The following GHR variants were observed in gnomAD, a reference collection of about 807,000 sequenced individuals.
GHR encodes the protein growth hormone receptor.
A neutral mutation model predicts 67.1 loss-of-function variants in GHR; 35 were observed. That is an observed-to-expected ratio of 0.52 (90% CI 0.40 to 0.69). The LOEUF (loss-of-function observed/expected upper bound fraction) is 0.69, where lower values mean the gene tolerates loss of function less well. GHR is among the 30% of genes least tolerant of loss of function. GHR has a pLI of 0.00. For missense variants in GHR, 792 were observed against 764.6 expected (o/e 1.04, Z -0.42); for synonymous variants, 272 against 269.1 (o/e 1.01, Z -0.10).
At position 42,720,739 on chromosome 5, in the gene GHR, ACTTT is replaced by A. The variant is rs1758979721; in HGVS notation, c.*1322_*1325del. The A allele has an allele frequency of 6.6e-6, 1 of 152,214 alleles. No individual in the cohort carries two copies. Among genetic ancestry groups the A allele is most frequent in the Admixed American group, 6.5e-5 (1 of 15,280 alleles). The allele number at this position is 152,214 out of a possible 1,614,324, so 9.4% of individuals were successfully genotyped here. Reference sequence around the variant, plus strand: ...AAAATTATTTAAACCGCTAAAAGAAACTTTCTTTCTCACTAAATCTTTTATAGGA... The same window carrying A: ...AAAATTATTTAAACCGCTAAAAGAAACTTTCTCACTAAATCTTTTATAGGA... On this transcript the variant is annotated 3_prime_UTR_variant, in exon 10 of 10. Transcript: ENST00000230882.
rs1321861466 is a variant in GHR at position 42,503,790 on chromosome 5, G to A, written c.-11-62074G>A. Among the ~76,000 whole-genome samples, 5 of 141,378 alleles carry A rather than the reference G, an allele frequency of 3.5e-5. No homozygotes were observed. The East Asian group carries it at 9.6e-4, about 27-fold the overall frequency. The allele number at this position is 141,378 out of a possible 152,430, so 92.7% of individuals were successfully genotyped here. ...TTGTCAGGGAATGCCTCTCTAATTA[G>A]ATGACTTTTTTTTTAATAGAACTGA... On this transcript the variant is annotated intron_variant, in intron 1 of 9. Transcript: ENST00000230882.
intron 3 of GHR, among the ~76,000 whole-genome samples, chr5:42,676,517 C>T (rs1004004826): frequency 1.6e-4 from 24 of 152,180 alleles, no homozygotes; most frequent in African/African-American, 5.8e-4. Flanking sequence ...TAAAGCCTTC[C>T]TGCCAGTAGC....
At chr5:42,583,900 T>TATATATATATATATATA (rs1481330746) in intron 2 of GHR, among the ~76,000 whole-genome samples, 1 of 149,320 alleles carries the variant, frequency 6.7e-6, no homozygotes, top group East Asian at 2.0e-4. Context: ...TATATATAAA[T>TATATATATATATATATA]TCTTACAGTT....
chr5:42,546,286 G>A (rs1748727607), intron 1 of GHR, among the ~76,000 whole-genome samples: 1 of 152,170 alleles, frequency 6.6e-6, no homozygotes, highest in African/African-American at 2.4e-5. Flanking sequence ...TGACTAGTTG[G>A]CCCTTTGTCT....
At chr5:42,612,205 A>C (rs1249465847) in intron 2 of GHR, among the ~76,000 whole-genome samples, 3 of 152,160 alleles carry the variant, frequency 2.0e-5, no homozygotes, top group Non-Finnish European at 4.4e-5. Context: ...TAGAAGGAGA[A>C]GGAGGCTTTA....
At chr5:42,615,165 C>T (rs1753079925) in intron 2 of GHR, among the ~76,000 whole-genome samples, 1 of 151,818 alleles carries the variant, frequency 6.6e-6, no homozygotes. Flanking sequence ...TAAACATGGA[C>T]TGTTAACAAG....
chr5:42,452,696 C>T (rs1744102281), intron 1 of GHR, among the ~76,000 whole-genome samples: 1 of 152,056 alleles, frequency 6.6e-6, no homozygotes, highest in East Asian at 1.9e-4. Context: ...TGAAACTTTC[C>T]ACTGAATTTT....
chr5:42,559,832 G>T (rs191443623), intron 1 of GHR, among the ~76,000 whole-genome samples: 1 of 152,244 alleles, frequency 6.6e-6, no homozygotes, highest in East Asian at 1.9e-4. Flanking sequence ...TAAAAAGTTG[G>T]TAACAACATG....
At chr5:42,526,146 A>T (rs1747696289) in intron 1 of GHR, among the ~76,000 whole-genome samples, 1 of 152,206 alleles carries the variant, frequency 6.6e-6, no homozygotes, top group African/African-American at 2.4e-5. Flanking sequence ...AAGTTATTGA[A>T]GGAAATTAAA....
chr5:42,682,988 A>C (rs988809764), intron 3 of GHR, among the ~76,000 whole-genome samples: 5 of 151,438 alleles, frequency 3.3e-5, no homozygotes, highest in Non-Finnish European at 1.5e-5. Context: ...TCAGTTCCTC[A>C]AAGGTTTTTT....
intron 1 of GHR, among the ~76,000 whole-genome samples, chr5:42,491,168 G>A (rs1031864332): frequency 1.2e-4 from 19 of 152,204 alleles, no homozygotes; most frequent in Admixed American, 2.6e-4. Context: ...CCTGAGGATC[G>A]TTTGCTTTGT....
Position 42,713,508 on chromosome 5 carries a change from TA to T in GHR, c.867del (p.Lys289AsnfsTer8). The T allele has an allele frequency of 7.2e-7, 1 of 1,382,324 alleles. No homozygotes were observed. Among genetic ancestry groups the T allele is most frequent in the South Asian group, 1.2e-5 (1 of 86,488 alleles). 85.6% of individuals were successfully genotyped at this position (1,382,324 alleles called of 1,614,324 possible). On this transcript the variant is annotated frameshift_variant, in exon 8 of 10. Coordinates refer to ENST00000230882, the MANE Select transcript of GHR (RefSeq NM_000163.5). LOFTEE classifies it high-confidence loss of function. ...TGATGCTATTTGTATTCTTATTTTC[TA>T]AACAGCAAAGGTAGGTGTGGAGTAG... ...TVMLFVFLFS[K>X]QQRIKMLILP...
chr5:42,577,117 G>A (rs975662582), intron 2 of GHR, among the ~76,000 whole-genome samples: 4 of 152,140 alleles, frequency 2.6e-5, no homozygotes, highest in Admixed American at 2.0e-4. Flanking sequence ...TTAAAACGTG[G>A]GTGTGCAGGG....
At chr5:42,459,054 G>A (rs897946271) in intron 1 of GHR, among the ~76,000 whole-genome samples, 1 of 152,278 alleles carries the variant, frequency 6.6e-6, no homozygotes, top group East Asian at 1.9e-4. Flanking sequence ...TACACTGCTG[G>A]TGGGAATGTA....
Position 42,577,403 on chromosome 5 carries a change from TTA to T in GHR, c.70+11463_70+11464del, listed in dbSNP as rs538468510. ...AAAAACATTCAAATGGGTTACTCCA[TTA>T]TATCTACTTAGGAAATTTTTTTTTA... On this transcript the variant is annotated intron_variant, in intron 2 of 9. Transcript: ENST00000230882. Among the ~76,000 whole-genome samples the T allele has an allele frequency of 1.5e-3, 231 of 152,198 alleles. 1 individual carries two copies. The highest frequency in any genetic ancestry group is 2.9e-3 in the Non-Finnish European group (197 of 68,026).
intron 3 of GHR, among the ~76,000 whole-genome samples, chr5:42,635,007 CA>C (rs200793751): frequency 2.7e-3 from 356 of 133,354 alleles, no homozygotes; most frequent in South Asian, 4.3e-3. Flanking sequence ...TTACCAAAAA[CA>C]AAAAAAAAAA....
chr5:42,437,454 G>A (rs1269532003), intron 1 of GHR, among the ~76,000 whole-genome samples: 1 of 152,096 alleles, frequency 6.6e-6, no homozygotes, highest in African/African-American at 2.4e-5. Flanking sequence ...GCAAAGTGGT[G>A]TGCTTTCATG....
chr5:42,458,638 G>C (rs1218604319), intron 1 of GHR, among the ~76,000 whole-genome samples: 2 of 151,992 alleles, frequency 1.3e-5, no homozygotes, highest in Non-Finnish European at 2.9e-5. Context: ...CAAAAATTGA[G>C]AAATGGAAAC....
intron 1 of GHR, among the ~76,000 whole-genome samples, chr5:42,498,836 G>T (rs920266498): frequency 1.3e-5 from 2 of 152,154 alleles, no homozygotes; most frequent in African/African-American, 2.4e-5. Flanking sequence ...GTGCTCTATA[G>T]GTACAGAGCA....
Sources: allele counts gnomAD v4.1 joint callset (sites outside exome capture counted in the v4.1 genomes callset), GRCh38; gene constraint gnomAD v4.1.1; transcripts MANE v1.5; gene names NCBI Gene and HGNC (gene_info 2026-07-23, HGNC 2026-07-21).